The following CATSPERE variants were observed in gnomAD, a reference collection of about 807,000 sequenced individuals.
CATSPERE encodes catsper channel auxiliary subunit epsilon.
In CATSPERE, 93 loss-of-function variants were observed where a neutral mutation model predicts 114.1. The ratio of observed to expected loss-of-function variants is 0.81; its 90% CI spans 0.69 to 0.97. The LOEUF is 0.97. Ranked by LOEUF, CATSPERE falls within the 50% of genes least tolerant of loss-of-function variation. The pLI is 0.00. For missense variants in CATSPERE, 1,058 were observed against 1,131.6 expected (o/e 0.93, Z 0.93); for synonymous variants, 341 against 384.1 (o/e 0.89, Z 1.31).
At chr1:244,455,612 A>C (rs1443295364) in intron 1 of CATSPERE, among the ~76,000 whole-genome samples, 1 of 150,638 alleles carries the variant, frequency 6.6e-6, no homozygotes, top group Non-Finnish European at 1.5e-5. Flanking sequence ...CTCTTCTTGG[A>C]TCTTGTTTTT....
chr1:244,528,762 C>T (rs72767899), intron 8 of CATSPERE, among the ~76,000 whole-genome samples: 9,149 of 148,034 alleles, frequency 0.062, 420 homozygotes, highest in Admixed American at 0.14. Context: ...ACCATACCTA[C>T]TCTCCCCCAC....
At chr1:244,560,242 C>T (rs1662339845) in intron 9 of CATSPERE, among the ~76,000 whole-genome samples, 1 of 152,156 alleles carries the variant, frequency 6.6e-6, no homozygotes, top group Admixed American at 6.5e-5. Flanking sequence ...TCTCCTGCCT[C>T]AGCCTCCCAA....
intron 9 of CATSPERE, among the ~76,000 whole-genome samples, chr1:244,560,031 C>T (rs1662307774): frequency 6.6e-6 from 1 of 152,044 alleles, no homozygotes. Flanking sequence ...CTTGCTCTGT[C>T]ACCCAGGCTG....
chr1:244,518,253 A>G (rs529963474), intron 7 of CATSPERE, among the ~76,000 whole-genome samples: 2 of 152,292 alleles, frequency 1.3e-5, no homozygotes, highest in South Asian at 4.1e-4. Flanking sequence ...GAATTCTAAC[A>G]AACAGATTAG....
chr1:244,473,792 A>G lies in CATSPERE; in HGVS notation c.115-3749A>G, dbSNP rs143807119. Among the ~76,000 whole-genome samples, 99 of 152,246 alleles carry G rather than the reference A, an allele frequency of 6.5e-4. No homozygotes were observed. The East Asian group carries it at 0.016, about 24-fold the overall frequency. On this transcript the variant is annotated intron_variant, in intron 2 of 21. Transcript: ENST00000366534. ...GGGTCTTGCTGTGTGAGTTAAGCCC[A>G]TTCACATTTAATTATATAACATATC...
At chr1:244,467,889 A>G (rs1161935683) in intron 2 of CATSPERE, among the ~76,000 whole-genome samples, 1 of 152,288 alleles carries the variant, frequency 6.6e-6, no homozygotes, top group African/African-American at 2.4e-5. Context: ...ATAATATTCC[A>G]TACCAGGCAA....
chr1:244,515,600 A>G (rs913044954), intron 7 of CATSPERE, among the ~76,000 whole-genome samples: 1 of 152,184 alleles, frequency 6.6e-6, no homozygotes, highest in African/African-American at 2.4e-5. Flanking sequence ...ATACTCTGAG[A>G]AGAGAGGGGG....
At chr1:244,459,125 C>T (rs1666417954), upstream of CATSPERE, among the ~76,000 whole-genome samples, 1 of 147,742 alleles carries the variant, frequency 6.8e-6, no homozygotes, top group Non-Finnish European at 1.5e-5. Flanking sequence ...TGTCGCCAGG[C>T]TGGAGTTCGG....
At chr1:244,467,589 G>C (rs1467393044) in intron 2 of CATSPERE, among the ~76,000 whole-genome samples, 2 of 152,182 alleles carry the variant, frequency 1.3e-5, no homozygotes, top group Admixed American at 6.5e-5. Flanking sequence ...TACGTATCCT[G>C]TGACACACTA....
chr1:244,614,991 C>T (rs1573014989), intron 19 of CATSPERE, among the ~76,000 whole-genome samples: 1 of 152,000 alleles, frequency 6.6e-6, no homozygotes, highest in Non-Finnish European at 1.5e-5. Context: ...GGCTGGGGCA[C>T]TGGCACTCTG....
At chr1:244,475,224 C>T (rs1416272824) in intron 2 of CATSPERE, among the ~76,000 whole-genome samples, 1 of 148,860 alleles carries the variant, frequency 6.7e-6, no homozygotes, top group Non-Finnish European at 1.5e-5. Context: ...TATTCACTTT[C>T]AAATTATCTT....
chr1:244,507,671 T>C (rs2148313947), intron 7 of CATSPERE, among the ~76,000 whole-genome samples: 1 of 152,322 alleles, frequency 6.6e-6, no homozygotes, highest in East Asian at 1.9e-4. Context: ...TAGTGAGAGA[T>C]AAAGGTTTAA....
chr1:244,573,548 C>T lies in CATSPERE; in HGVS notation c.1950+776C>T. Among the ~76,000 whole-genome samples the T allele has an allele frequency of 6.6e-6, 1 of 152,206 alleles. No individual in the cohort carries two copies. The highest frequency in any genetic ancestry group is 1.9e-4 in the East Asian group (1 of 5,200). ...GTGATGTGGGCATCTGCTAATTCGT[C>T]TGCAACTACATGACCTAAGATGGCC... On this transcript the variant is annotated intron_variant, in intron 11 of 21. Transcript: ENST00000366534. The surrounding 1 kb of genome is among the most constrained non-coding windows in gnomAD (Gnocchi z 4.0).
chr1:244,559,307 G>A (rs1662184933), intron 9 of CATSPERE, among the ~76,000 whole-genome samples: 3 of 152,100 alleles, frequency 2.0e-5, no homozygotes, highest in Non-Finnish European at 4.4e-5. Flanking sequence ...TCCACATTTA[G>A]CAAAATGACC....
rs146874470 is a variant in CATSPERE at position 244,572,696 on chromosome 1, C to G, written c.1874C>G (p.Ser625Cys). The G allele has an allele frequency of 1.2e-6, 2 of 1,613,680 alleles. No homozygotes were observed. The highest frequency in any genetic ancestry group is 2.2e-5 in the East Asian group (1 of 44,872). The change falls in exon 11 of 22, where the codon TCT (serine) becomes TGT (cysteine). Residue 625 changes from serine to cysteine, a missense_variant. Coordinates refer to ENST00000366534, the MANE Select transcript of CATSPERE (RefSeq NM_001130957.2). ...ENTGLYVIVESYGPKILQESH... is the reference protein window; with the variant it reads ...ENTGLYVIVECYGPKILQESH... ...ACTGGTCTGTATGTTATTGTGGAAT[C>G]TTATGGCCCAAAAATATTACAAGAG...
intron 5 of CATSPERE, among the ~76,000 whole-genome samples, chr1:244,484,987 G>C (rs998314332): frequency 2.0e-5 from 3 of 151,682 alleles, no homozygotes; most frequent in Non-Finnish European, 2.9e-5. Flanking sequence ...ACTTCAGTTG[G>C]TAAGTCGGCT....
At chr1:244,516,102 G>C (rs1310387138) in intron 7 of CATSPERE, among the ~76,000 whole-genome samples, 1 of 151,582 alleles carries the variant, frequency 6.6e-6, no homozygotes, top group African/African-American at 2.4e-5. Context: ...GAGGTTGGGC[G>C]ATCGCTTGAG....
chr1:244,565,806 T>G (rs1039210325), intron 10 of CATSPERE, among the ~76,000 whole-genome samples: 4 of 152,206 alleles, frequency 2.6e-5, no homozygotes, highest in African/African-American at 9.6e-5. Context: ...TCATTGATTT[T>G]TTGAAGGGTT....
chr1:244,551,143 T>A (rs550971783), intron 8 of CATSPERE, among the ~76,000 whole-genome samples: 2 of 152,312 alleles, frequency 1.3e-5, no homozygotes, highest in East Asian at 3.9e-4. Flanking sequence ...ATTCATCAGG[T>A]GTGTAAAATA....
Sources: gnomAD v4.1 joint callset for allele counts (sites outside exome capture counted in the v4.1 genomes callset) on GRCh38, gnomAD v4.1.1 for gene constraint, Gnocchi (gnomAD v3.1) non-coding constraint, MANE v1.5 for transcripts, NCBI Gene and HGNC (gene_info 2026-07-23, HGNC 2026-07-21) for gene names.